PDE1C: variants seen among roughly 807,000 people sequenced by gnomAD.
The protein encoded by PDE1C is dual specificity calcium/calmodulin-dependent 3',5'-cyclic nucleotide phosphodiesterase 1C.
In PDE1C, 62 loss-of-function variants were observed where a neutral mutation model predicts 93.1. That is an observed-to-expected ratio of 0.67 (90% confidence interval 0.54 to 0.82). PDE1C has a LOEUF of 0.82. PDE1C is among the 40% of genes least tolerant of loss of function. The probability of loss-of-function intolerance (pLI) is 0.00; values close to 1 mark genes in which losing one functional copy is unlikely to be tolerated. For synonymous variants in PDE1C, 325 were observed against 310.1 expected, an observed-to-expected ratio of 1.05 and a Z score of -0.50; for missense variants, 742 against 884.6, an observed-to-expected ratio of 0.84 and a Z score of 2.04.
intron 1 of PDE1C, among the ~76,000 whole-genome samples, chr7:32,290,668 C>T (rs1585086045): frequency 6.6e-6 from 1 of 152,144 alleles, no homozygotes; most frequent in Non-Finnish European, 1.5e-5. Context: ...CCTAGGAGAG[C>T]TAACATTCTA....
chr7:31,628,287 A>C, the PDE1C span, among the ~76,000 whole-genome samples: 2 of 152,140 alleles, frequency 1.3e-5, no homozygotes, highest in African/African-American at 4.8e-5. Flanking sequence ...GGCAGGGCAG[A>C]GAATGATCAG....
At chr7:32,187,216 A>G (rs1157151484) in intron 2 of PDE1C, among the ~76,000 whole-genome samples, 3 of 151,540 alleles carry the variant, frequency 2.0e-5, no homozygotes, top group Admixed American at 6.6e-5. Flanking sequence ...CGGGCCTCCA[A>G]CTCCTGGGCT....
chr7:32,387,691 A>G (rs1376536889), intron 1 of PDE1C, among the ~76,000 whole-genome samples: 2 of 80,388 alleles, frequency 2.5e-5, no homozygotes, highest in Admixed American at 1.4e-4. Context: ...GACCCCCCCC[A>G]CCTCCCTCCC....
At chr7:32,080,801 A>T (rs916149011) in intron 3 of PDE1C, among the ~76,000 whole-genome samples, 1 of 152,216 alleles carries the variant, frequency 6.6e-6, no homozygotes, top group Admixed American at 6.5e-5. Flanking sequence ...AAAGAATAAC[A>T]TATCTATGAA....
chr7:32,302,796 A>G (rs1812910821), upstream of PDE1C, among the ~76,000 whole-genome samples: 1 of 152,226 alleles, frequency 6.6e-6, no homozygotes. Flanking sequence ...GCTCCTCAAC[A>G]TCTCACTAAT....
chr7:31,650,467 A>G, the PDE1C span, among the ~76,000 whole-genome samples: 2,519 of 152,226 alleles, frequency 0.017, 78 homozygotes, highest in African/African-American at 0.057. Flanking sequence ...CTGAGAGAGA[A>G]AGTAAGAGTT....
chr7:31,978,184 G>T (rs1811915661), intron 2 of PDE1C, among the ~76,000 whole-genome samples: 1 of 152,072 alleles, frequency 6.6e-6, no homozygotes, highest in Admixed American at 6.6e-5. Flanking sequence ...ATAGATTTCG[G>T]CAGACTACAG....
At chr7:32,308,697 T>A (rs1488909040) in intron 1 of PDE1C, among the ~76,000 whole-genome samples, 2 of 152,238 alleles carry the variant, frequency 1.3e-5, no homozygotes, top group African/African-American at 4.8e-5. Flanking sequence ...TCCTGTCTGT[T>A]AGAAGGAAAA....
chr7:31,940,503 AC>A (rs1224773824), intron 2 of PDE1C, among the ~76,000 whole-genome samples: 1 of 152,212 alleles, frequency 6.6e-6, no homozygotes, highest in Non-Finnish European at 1.5e-5. Flanking sequence ...GCCCCAGAAT[AC>A]AAACAGGCCA....
chr7:31,754,161 G>C (rs923007599), intron 17 of PDE1C, among the ~76,000 whole-genome samples: 5 of 152,154 alleles, frequency 3.3e-5, no homozygotes, highest in Non-Finnish European at 7.3e-5. Flanking sequence ...TCAACAATTA[G>C]AGAATTTCAA....
intron 1 of PDE1C, among the ~76,000 whole-genome samples, chr7:32,310,577 T>A (rs1782998798): frequency 6.6e-6 from 1 of 152,100 alleles, no homozygotes; most frequent in African/African-American, 2.4e-5. Context: ...GCAATCAAAC[T>A]AGAACTGAGG....
the PDE1C span, among the ~76,000 whole-genome samples, chr7:31,704,674 A>C: frequency 1.3e-5 from 2 of 152,158 alleles, no homozygotes. Context: ...GCCTAAGTCT[A>C]TTTGGGGACA....
chr7:31,886,876 A>AGAATAGATCTATTCAGAATAGATCTT (rs1583793687), intron 2 of PDE1C, among the ~76,000 whole-genome samples: 1 of 18,664 alleles, frequency 5.4e-5, no homozygotes, highest in Non-Finnish European at 1.0e-4. Flanking sequence ...ATTCGGATCT[A>AGAATAGATCTATTCAGAATAGATCTT]TTCAGGGGCG....
intron 1 of PDE1C, among the ~76,000 whole-genome samples, chr7:32,214,915 G>T (rs10272460): frequency 0.056 from 8,591 of 152,144 alleles, 835 homozygotes; most frequent in African/African-American, 0.19. Context: ...AGCAAGTAAG[G>T]GAGGCAAACT....
chr7:31,917,399 C>T (rs1248134806), intron 2 of PDE1C, among the ~76,000 whole-genome samples: 2 of 152,066 alleles, frequency 1.3e-5, no homozygotes, highest in Non-Finnish European at 2.9e-5. Flanking sequence ...CTCTTTAAAA[C>T]AAATTAATGT....
At chr7:31,661,534 GA>G in the PDE1C span, among the ~76,000 whole-genome samples, 7 of 151,508 alleles carry the variant, frequency 4.6e-5, no homozygotes, top group Admixed American at 3.3e-4. Flanking sequence ...GCAACATGGT[GA>G]ATCCCCATCT....
chr7:32,371,186 A>C (rs1784326098), intron 1 of PDE1C, among the ~76,000 whole-genome samples: 1 of 151,538 alleles, frequency 6.6e-6, no homozygotes, highest in African/African-American at 2.4e-5. Flanking sequence ...CCCACCAAAA[A>C]ACAAAAACAA....
chr7:32,152,364 T>C (rs559216081), intron 3 of PDE1C, among the ~76,000 whole-genome samples: 1 of 152,304 alleles, frequency 6.6e-6, no homozygotes, highest in South Asian at 2.1e-4. Context: ...GTGACTACAG[T>C]CCTCACATGA....
At chr7:31,956,157 G>A (rs745379376) in intron 2 of PDE1C, among the ~76,000 whole-genome samples, 7 of 151,930 alleles carry the variant, frequency 4.6e-5, no homozygotes, top group South Asian at 2.1e-4. Flanking sequence ...GCAGTGGTGC[G>A]ATCTCGGCTC....
Sources: gnomAD v4.1 joint callset for allele counts (sites outside exome capture counted in the v4.1 genomes callset) on GRCh38, gnomAD v4.1.1 for gene constraint, MANE v1.5 for transcripts, NCBI Gene and HGNC (gene_info 2026-07-23, HGNC 2026-07-21) for gene names.